CTNNA2: variants seen among roughly 807,000 people sequenced by gnomAD.
CTNNA2 encodes the protein catenin alpha-2.
In CTNNA2, 42 loss-of-function variants were observed where a neutral mutation model predicts 101.0. The observed-to-expected ratio is 0.42, with a 90% CI of 0.32 to 0.54. CTNNA2 has a LOEUF of 0.54. Among genes scored for constraint, CTNNA2 ranks in the 20% least tolerant of loss-of-function variants. The pLI is 0.14. For missense variants in CTNNA2, 871 were observed against 1,223.1 expected (o/e 0.71, Z 4.29); for synonymous variants, 450 against 456.4 (o/e 0.99, Z 0.18).
intron 7 of CTNNA2, among the ~76,000 whole-genome samples, chr2:80,272,595 G>A (rs1342758471): frequency 6.6e-6 from 1 of 151,982 alleles, no homozygotes; most frequent in African/African-American, 2.4e-5. Flanking sequence ...ACTTTTTTAT[G>A]CCCCTTCTTC....
chr2:80,331,659 G>A (rs545423288), intron 7 of CTNNA2, among the ~76,000 whole-genome samples: 2 of 152,086 alleles, frequency 1.3e-5, no homozygotes, highest in South Asian at 2.1e-4. Context: ...TTATATTCCC[G>A]AGCAATGATG....
chr2:80,380,366 C>T (rs1166568465), intron 7 of CTNNA2, among the ~76,000 whole-genome samples: 3 of 152,096 alleles, frequency 2.0e-5, no homozygotes, highest in African/African-American at 7.2e-5. Flanking sequence ...AGATGTTGCT[C>T]TTCTGAATTT....
At chr2:79,341,037 T>TAA (rs761899125) in intron 3 of CTNNA2, among the ~76,000 whole-genome samples, 7 of 151,956 alleles carry the variant, frequency 4.6e-5, no homozygotes, top group Non-Finnish European at 8.8e-5. Flanking sequence ...TATATATATA[T>TAA]AATCTCATTT....
At chr2:80,366,568 T>A (rs1031102973) in intron 7 of CTNNA2, among the ~76,000 whole-genome samples, 3 of 152,120 alleles carry the variant, frequency 2.0e-5, no homozygotes, top group Non-Finnish European at 2.9e-5. Flanking sequence ...GTCACATGGT[T>A]ATTTAGTGAT....
intron 2 of CTNNA2, among the ~76,000 whole-genome samples, chr2:79,249,367 A>G (rs190814492): frequency 6.6e-6 from 1 of 152,084 alleles, no homozygotes; most frequent in Non-Finnish European, 1.5e-5. Flanking sequence ...AGCTGGGCTT[A>G]GTTATTTGGA....
chr2:80,257,230 A>C (rs907778153), intron 7 of CTNNA2, among the ~76,000 whole-genome samples: 1 of 151,750 alleles, frequency 6.6e-6, no homozygotes, highest in Admixed American at 6.6e-5. Context: ...ATTTTAAAAT[A>C]TGTAAAATAT....
At chr2:79,276,908 C>T (rs1675225766) in intron 2 of CTNNA2, among the ~76,000 whole-genome samples, 1 of 152,126 alleles carries the variant, frequency 6.6e-6, no homozygotes, top group South Asian at 2.1e-4. Flanking sequence ...CACACACTTA[C>T]CATCTAAGCC....
intron 9 of CTNNA2, among the ~76,000 whole-genome samples, chr2:80,543,460 C>A (rs531489176): frequency 6.6e-6 from 1 of 152,134 alleles, no homozygotes; most frequent in African/African-American, 2.4e-5. Flanking sequence ...TTTGAATTCA[C>A]TTGTCATAAT....
intron 7 of CTNNA2, among the ~76,000 whole-genome samples, chr2:79,964,501 T>A (rs1404320146): frequency 6.6e-6 from 1 of 152,242 alleles, no homozygotes; most frequent in Non-Finnish European, 1.5e-5. Flanking sequence ...ATGAAATTTT[T>A]CTTTGAAAAA....
At chr2:79,238,133 C>T (rs986318977) in intron 2 of CTNNA2, among the ~76,000 whole-genome samples, 1 of 152,138 alleles carries the variant, frequency 6.6e-6, no homozygotes, top group Non-Finnish European at 1.5e-5. Flanking sequence ...ATCTGTGACT[C>T]TTCCTTTCAT....
chr2:80,225,837 C>T (rs898051738), intron 7 of CTNNA2, among the ~76,000 whole-genome samples: 3 of 152,118 alleles, frequency 2.0e-5, no homozygotes, highest in African/African-American at 7.2e-5. Context: ...ATACAGAAAT[C>T]AATTTCAATT....
chr2:80,559,727 C>T (rs758098886), intron 12 of CTNNA2, among the ~76,000 whole-genome samples: 5 of 151,962 alleles, frequency 3.3e-5, no homozygotes, highest in Non-Finnish European at 7.4e-5. Flanking sequence ...ATTTGATGGG[C>T]TCTTCAATAA....
rs549450515 is a variant in CTNNA2, at chr2:80,634,897, A to C, written c.2575-12688A>C. Among the ~76,000 whole-genome samples the C allele has an allele frequency of 4.6e-5, 7 of 152,226 alleles. No individual in the cohort carries two copies. The South Asian group carries it at 1.5e-3, about 32-fold the overall frequency. ...GGAAGAACTGTGTTGCCAATAACTG[A>C]GATGAAGAGGCATGCACGAGGGTCA... On this transcript the variant is annotated intron_variant, in intron 18 of 18. Transcript: ENST00000402739.
chr2:80,567,176 C>T (rs1057214630), intron 12 of CTNNA2, among the ~76,000 whole-genome samples: 3 of 152,122 alleles, frequency 2.0e-5, no homozygotes, highest in African/African-American at 2.4e-5. Context: ...TTTTTAAAGT[C>T]CCCCGTGTAG....
intron 4 of CTNNA2, among the ~76,000 whole-genome samples, chr2:79,415,697 T>C (rs1678471680): frequency 6.6e-6 from 1 of 152,136 alleles, no homozygotes; most frequent in South Asian, 2.1e-4. Flanking sequence ...CCTGGCATCC[T>C]GTTATATTTG....
At chr2:79,622,063 A>G (rs1342776072) in intron 1 of CTNNA2, among the ~76,000 whole-genome samples, 2 of 152,230 alleles carry the variant, frequency 1.3e-5, no homozygotes, top group Non-Finnish European at 2.9e-5. Context: ...AAAAAAGGAC[A>G]TTAGACAAAA....
intron 2 of CTNNA2, among the ~76,000 whole-genome samples, chr2:79,254,502 G>A (rs1031211683): frequency 6.6e-6 from 1 of 152,178 alleles, no homozygotes; most frequent in Non-Finnish European, 1.5e-5. Context: ...TGAAGGGCTG[G>A]CTCCTGCTTC....
chr2:80,479,197 T>C (rs951615840), intron 9 of CTNNA2, among the ~76,000 whole-genome samples: 3 of 152,264 alleles, frequency 2.0e-5, no homozygotes, highest in African/African-American at 4.8e-5. Flanking sequence ...CATTTTATTA[T>C]AACCAACTCT....
intron 7 of CTNNA2, among the ~76,000 whole-genome samples, chr2:80,090,034 T>C (rs755493772): frequency 6.6e-6 from 1 of 151,952 alleles, no homozygotes; most frequent in Non-Finnish European, 1.5e-5. Context: ...ATGTGGGATG[T>C]TCATTCAGGG....
Sources: allele counts gnomAD v4.1 joint callset (sites outside exome capture counted in the v4.1 genomes callset), GRCh38; gene constraint gnomAD v4.1.1; transcripts MANE v1.5; gene names NCBI Gene and HGNC (gene_info 2026-07-23, HGNC 2026-07-21).